The following ERICH6B variants were observed in gnomAD, a reference collection of about 807,000 sequenced individuals.
The protein encoded by ERICH6B is glutamate-rich protein 6B.
ERICH6B carries 69 observed loss-of-function variants against 80.0 expected under a neutral mutation model. That is an observed-to-expected ratio of 0.86 (90% CI 0.71 to 1.05). The LOEUF is 1.05. Ranked by LOEUF, ERICH6B falls within the 50% of genes least tolerant of loss-of-function variation. The pLI, the probability that ERICH6B is intolerant of heterozygous loss-of-function variation, is 0.00. For synonymous variants in ERICH6B, 283 were observed against 291.9 expected (o/e 0.97, Z 0.31); for missense variants, 754 against 796.1 (o/e 0.95, Z 0.64).
In ERICH6B at chr13:45,587,249, C is replaced by G. The variant is rs981481536; in HGVS notation, c.687-17G>C. 7.7e-6 allele frequency: 12 copies of G among 1,550,670 alleles called. No individual in the cohort carries two copies. Among genetic ancestry groups the G allele is most frequent in the Non-Finnish European group, 1.0e-5 (12 of 1,146,586 alleles). On this transcript the variant is annotated splice_polypyrimidine_tract_variant and intron_variant, in intron 4 of 14. Coordinates refer to ENST00000298738, the MANE Select transcript of ERICH6B (RefSeq NM_182542.3). The stretch of plus-strand genomic sequence containing the variant: ...TCTGGACTCCTGTCAGAGGGGAGAA[C>G]AGGAAGGTCAACTTCCAGACAGGGG...
chr13:45,548,907 A>C (rs189150549), intron 13 of ERICH6B, among the ~76,000 whole-genome samples: 63 of 152,348 alleles, frequency 4.1e-4, no homozygotes, highest in South Asian at 2.3e-3. Flanking sequence ...TAAAAACCAA[A>C]GTCTGCAGAA....
chr13:45,570,423 C>A (rs1403874216), intron 8 of ERICH6B, among the ~76,000 whole-genome samples: 8 of 152,060 alleles, frequency 5.3e-5, no homozygotes, highest in Non-Finnish European at 1.0e-4. Flanking sequence ...CATAGTGAGA[C>A]CCTTCCTTTA....
At chr13:45,547,215 C>A (rs911199966) in intron 13 of ERICH6B, among the ~76,000 whole-genome samples, 7 of 152,208 alleles carry the variant, frequency 4.6e-5, no homozygotes, top group African/African-American at 1.7e-4. Flanking sequence ...ACAGCAATAA[C>A]TGAGAAAACG....
intron 11 of ERICH6B, among the ~76,000 whole-genome samples, chr13:45,558,909 C>T (rs1318075474): frequency 6.6e-6 from 1 of 152,078 alleles, no homozygotes; most frequent in African/African-American, 2.4e-5. Context: ...TCAGTATGTC[C>T]TTTCCTGGTT....
At chr13:45,606,446 G>A (rs1017200852) in intron 2 of ERICH6B, among the ~76,000 whole-genome samples, 3 of 144,312 alleles carry the variant, frequency 2.1e-5, no homozygotes, top group Non-Finnish European at 4.5e-5. Flanking sequence ...GGGGTGGTGG[G>A]CAGCTGGTGG....
intron 4 of ERICH6B, among the ~76,000 whole-genome samples, chr13:45,588,208 G>A (rs149071561): frequency 3.7e-4 from 57 of 152,308 alleles, no homozygotes; most frequent in African/African-American, 1.3e-3. Context: ...GAGAGCAGAA[G>A]CCTGTTTTTT....
In ERICH6B at chr13:45,579,986, T is replaced by G. The variant is rs914662937; in HGVS notation, c.920-12A>C. On this transcript the variant is annotated splice_polypyrimidine_tract_variant and intron_variant, in intron 6 of 14. Transcript: ENST00000298738. The stretch of plus-strand genomic sequence containing the variant: ...AGTGTTAACATGCTCTAAAAAAGAA[T>G]AAGAAAAATTATTAACAGGATACGG... 2.0e-5 allele frequency: 30 copies of G among 1,537,274 alleles called. No individual in the cohort carries two copies. Among genetic ancestry groups the G allele is most frequent in the Non-Finnish European group, 2.5e-5 (29 of 1,137,688 alleles).
In ERICH6B at chr13:45,596,936, T is replaced by C. The variant is rs144228372; in HGVS notation, c.70A>G (p.Thr24Ala). 5.2e-4 allele frequency: 807 copies of C among 1,551,750 alleles called. No homozygotes were observed. The highest frequency in any genetic ancestry group is 6.6e-4 in the Non-Finnish European group (760 of 1,147,004). ...TCTTTCTCTGAAGGCAAGTTCTGTGTGGAATATTGGGGAGTTGTGGGAGGG... is the reference window on the plus strand; with the variant it reads ...TCTTTCTCTGAAGGCAAGTTCTGTGCGGAATATTGGGGAGTTGTGGGAGGG... ...PHPPTTPQYS[T>A]QNLPSEKEDT... The change falls in exon 3 of 15, where the codon ACA becomes GCA. Residue 24 changes from threonine (T) to alanine (A), a missense_variant. By Grantham distance (58) the Thr-to-Ala change is moderately conservative. Coordinates refer to ENST00000298738, the MANE Select transcript of ERICH6B (RefSeq NM_182542.3).
chr13:45,589,037 A>G (rs936719966), intron 4 of ERICH6B, among the ~76,000 whole-genome samples: 1 of 151,974 alleles, frequency 6.6e-6, no homozygotes, highest in Non-Finnish European at 1.5e-5. Context: ...CTTTCTGTTT[A>G]TAAGGGACAC....
At position 45,568,457 on chromosome 13, in the gene ERICH6B, A is replaced by G; in HGVS notation, c.1051-6T>C. ...TGATAGGAGCTGTTCAAAAACTACAAAAGGATCAAAGAATGAAATATTCAG... is the reference window on the plus strand; with the variant it reads ...TGATAGGAGCTGTTCAAAAACTACAGAAGGATCAAAGAATGAAATATTCAG... On this transcript the variant is annotated splice_region_variant and splice_polypyrimidine_tract_variant and intron_variant, in intron 8 of 14. Coordinates refer to ENST00000298738, the MANE Select transcript of ERICH6B (RefSeq NM_182542.3). 3 of 1,488,256 alleles carry G rather than the reference A, an allele frequency of 2.0e-6. No individual in the cohort carries two copies. The highest frequency in any genetic ancestry group is 2.7e-6 in the Non-Finnish European group (3 of 1,122,294). 92.2% of individuals were successfully genotyped at this position (1,488,256 alleles called of 1,614,324 possible).
intron 7 of ERICH6B, among the ~76,000 whole-genome samples, chr13:45,577,677 G>T (rs1477252947): frequency 6.6e-6 from 1 of 152,104 alleles, no homozygotes; most frequent in Non-Finnish European, 1.5e-5. Context: ...GCAGTGTTGT[G>T]ATCATGGCTC....
intron 2 of ERICH6B, 38 bp from the exon 3 acceptor site, chr13:45,597,101 A>G: frequency 7.6e-7 from 1 of 1,313,410 alleles, no homozygotes; most frequent in Non-Finnish European, 1.0e-6. Context: ...ATTAGCCAGT[A>G]ATAGCAAATG....
intron 9 of ERICH6B, among the ~76,000 whole-genome samples, chr13:45,565,609 C>T (rs561728018): frequency 6.6e-6 from 1 of 152,318 alleles, no homozygotes; most frequent in Admixed American, 6.5e-5. Context: ...CTCATGAGAT[C>T]TGAATGTTAT....
intron 3 of ERICH6B, among the ~76,000 whole-genome samples, chr13:45,593,831 A>G (rs536626445): frequency 5.0e-4 from 76 of 152,344 alleles, no homozygotes; most frequent in Non-Finnish European, 9.3e-4. Flanking sequence ...TCTTCTCAAC[A>G]TAGTTTTCCA....
At position 45,580,650 on chromosome 13, in the gene ERICH6B, G is replaced by A. The variant is rs182532598; in HGVS notation, c.872C>T (p.Ser291Leu). ...GGTTTCTTGCTCTGTTTCTGATTTCGATTTTAAAGATTTTACTGTTAAAAG... is the reference window on the plus strand; with the variant it reads ...GGTTTCTTGCTCTGTTTCTGATTTCAATTTTAAAGATTTTACTGTTAAAAG... ...YDRTAVKSLK[S>L]KSETEQETTT... Residue 291 changes from serine to leucine, a missense_variant, in exon 6 of 15, where the codon TCG becomes TTG. Ser to Leu is a moderately radical substitution (Grantham distance 145, BLOSUM62 -2). Coordinates refer to ENST00000298738, the MANE Select transcript of ERICH6B (RefSeq NM_182542.3). 9.2e-5 allele frequency: 142 copies of A among 1,551,558 alleles called. 1 individual carries two copies. The highest frequency in any genetic ancestry group is 7.3e-4 in the Admixed American group (37 of 51,002).
chr13:45,609,795 C>G (rs115881802), intron 1 of ERICH6B, among the ~76,000 whole-genome samples: 1 of 152,194 alleles, frequency 6.6e-6, no homozygotes, highest in Non-Finnish European at 1.5e-5. Context: ...GATGGGGATA[C>G]GCTCTGAGAA....
At chr13:45,571,783 C>G (rs1426449060) in intron 8 of ERICH6B, among the ~76,000 whole-genome samples, 1 of 152,100 alleles carries the variant, frequency 6.6e-6, no homozygotes, top group Non-Finnish European at 1.5e-5. Flanking sequence ...GGTGTCTTTA[C>G]AGCCAGGGGA....
intron 2 of ERICH6B, among the ~76,000 whole-genome samples, chr13:45,606,615 GTA>G (rs1949868518): frequency 7.2e-6 from 1 of 138,936 alleles, no homozygotes; most frequent in Admixed American, 7.6e-5. Context: ...GTGCAGTGGT[GTA>G]ATCTCGGCTC....
chr13:45,596,332 T>C (rs1000146192), intron 3 of ERICH6B, 37 bp downstream of exon 3: 2 of 1,518,586 alleles, frequency 1.3e-6, no homozygotes, highest in African/African-American at 1.4e-5. Context: ...CAGATACTTT[T>C]CCTCCCATAG....
Sources: gnomAD v4.1 joint callset for allele counts (sites outside exome capture counted in the v4.1 genomes callset) on GRCh38, gnomAD v4.1.1 for gene constraint, MANE v1.5 for transcripts, NCBI Gene and HGNC (gene_info 2026-07-23, HGNC 2026-07-21) for gene names.